Variants in CPNE1 observed in about 807,000 individuals in gnomAD.
The protein encoded by CPNE1 is copine-1.
A neutral mutation model predicts 63.2 loss-of-function variants in CPNE1; 58 were observed. The observed-to-expected ratio is 0.92, with a 90% CI of 0.74 to 1.14. CPNE1 has a LOEUF of 1.14. CPNE1 is among the 50% of genes most tolerant of loss of function. The probability of loss-of-function intolerance (pLI) is 0.00; values close to 1 mark genes in which losing one functional copy is unlikely to be tolerated. For missense variants in CPNE1, 672 were observed against 661.7 expected (o/e 1.02, Z -0.17); for synonymous variants, 237 against 249.0 (o/e 0.95, Z 0.45).
At chr20:35,633,506 T>G (rs2032296346) in intron 1 of CPNE1, among the ~76,000 whole-genome samples, 1 of 152,238 alleles carries the variant, frequency 6.6e-6, no homozygotes. Context: ...TTTCCACTGC[T>G]GCTGCCCAAT....
intron 1 of CPNE1, among the ~76,000 whole-genome samples, chr20:35,656,264 T>C (rs1187906859): frequency 6.6e-6 from 1 of 152,224 alleles, no homozygotes; most frequent in East Asian, 1.9e-4. Context: ...GAGTGTGAAT[T>C]ACTCAGTGGT....
At chr20:35,654,307 A>G (rs1290517487) in intron 1 of CPNE1, 3 of 1,614,230 alleles carry the variant, frequency 1.9e-6, no homozygotes, top group South Asian at 2.2e-5. Context: ...ATTTCGACCT[A>G]CATGATCTTT....
chr20:35,655,366 G>A (rs1273690120), intron 1 of CPNE1: 10 of 1,555,598 alleles, frequency 6.4e-6, no homozygotes, highest in South Asian at 2.4e-5. Flanking sequence ...AAAAGGCAAC[G>A]GCCAGGTCAG....
chr20:35,643,840 T>TG (rs1280119311), intron 1 of CPNE1, among the ~76,000 whole-genome samples: 1 of 152,076 alleles, frequency 6.6e-6, no homozygotes, highest in African/African-American at 2.4e-5. Flanking sequence ...ACACTATAGT[T>TG]GGAGTTGGCA....
At chr20:35,629,574 G>T (rs980410871) in intron 13 of CPNE1, among the ~76,000 whole-genome samples, 5 of 151,872 alleles carry the variant, frequency 3.3e-5, no homozygotes, top group Non-Finnish European at 7.4e-5. Flanking sequence ...TCCTCTCCTT[G>T]AGTACTCAAT....
At chr20:35,646,088 C>T (rs2033077900) in intron 1 of CPNE1, among the ~76,000 whole-genome samples, 1 of 150,494 alleles carries the variant, frequency 6.6e-6, no homozygotes, top group Admixed American at 6.6e-5. Flanking sequence ...ACTCCACCAT[C>T]ACCCCTACCC....
intron 13 of CPNE1, 86 bp from the exon 14 acceptor site, chr20:35,627,499 G>A: frequency 1.4e-6 from 2 of 1,390,218 alleles, no homozygotes; most frequent in Non-Finnish European, 2.0e-6. Flanking sequence ...CAGCCCAGGA[G>A]ATCTCGGAAC....
At chr20:35,664,508 C>T (rs2034428105) in intron 1 of CPNE1, 1 of 152,348 alleles carries the variant, frequency 6.6e-6, no homozygotes, top group Non-Finnish European at 1.5e-5. Flanking sequence ...CCTCTCAGAC[C>T]ACGGGGGAGT....
chr20:35,654,672 C>T, intron 1 of CPNE1: 3 of 1,613,366 alleles, frequency 1.9e-6, no homozygotes, highest in Non-Finnish European at 2.5e-6. Context: ...GCACAGGAGG[C>T]AATGTAGGTA....
At chr20:35,655,394 C>T in intron 1 of CPNE1, 1 of 1,447,162 alleles carries the variant, frequency 6.9e-7, no homozygotes, top group Non-Finnish European at 9.3e-7. Flanking sequence ...TTTATCACAC[C>T]AAGTTTTTAG....
intron 13 of CPNE1, 91 bp downstream of exon 13, chr20:35,630,348 C>A: frequency 1.1e-6 from 1 of 927,474 alleles, no homozygotes; most frequent in Non-Finnish European, 1.7e-6. Context: ...ACAATGAAGG[C>A]AGGTATCTGC....
chr20:35,653,597 C>T (rs138866871), intron 1 of CPNE1: 3 of 1,614,060 alleles, frequency 1.9e-6, no homozygotes, highest in African/African-American at 2.7e-5. Flanking sequence ...TCAACAAGAA[C>T]ATGTACAGCA....
At chr20:35,654,734 G>T in intron 1 of CPNE1, 8 of 1,613,206 alleles carry the variant, frequency 5.0e-6, no homozygotes, top group Non-Finnish European at 6.8e-6. Context: ...GGCAGAGATG[G>T]CATCGCTGGA....
chr20:35,654,805 G>A lies in CPNE1; in HGVS notation c.-1+9955C>T, dbSNP rs763674282. 5 of 1,614,090 alleles carry A rather than the reference G, an allele frequency of 3.1e-6. No homozygotes were observed. In the East Asian group the frequency reaches 1.1e-4, roughly 36 times the overall value. On this transcript the variant is annotated intron_variant, in intron 1 of 15. Transcript: ENST00000397443. Reference sequence around the variant, plus strand: ...TGGAGAGGCTGTGCTTGGAACAGTTGAGCTAAACGTTGGGCTCCCAAAGGA... The same window carrying A: ...TGGAGAGGCTGTGCTTGGAACAGTTAAGCTAAACGTTGGGCTCCCAAAGGA...
In CPNE1 at chr20:35,632,811, C is replaced by T. The variant is rs1243648075; in HGVS notation, c.113G>A (p.Gly38Glu). 6 of 872,518 alleles carry T rather than the reference C, an allele frequency of 6.9e-6. No individual in the cohort carries two copies. The highest frequency in any genetic ancestry group is 2.0e-6 in the Non-Finnish European group (1 of 501,422). The allele number at this position is 872,518 out of a possible 1,614,324, so 54.0% of individuals were successfully genotyped here. A position where few individuals can be genotyped will look rare whatever the true frequency, so the allele number is the denominator to read the frequency against. ...CCGCCTCACCTCAGCCCAGCTGCCC[C>T]CTCCCACATCCTGTAAAAGGACGCA... ...PLCVLLQDVGGGSWAELGRTE... is the reference protein window; with the variant it reads ...PLCVLLQDVGEGSWAELGRTE... Residue 38 changes from glycine (G) to glutamate (E), a missense_variant, in exon 2 of 16, where the codon GGG (glycine) becomes GAG (glutamate). Coordinates refer to ENST00000397443, the MANE Select transcript of CPNE1 (RefSeq NM_152925.3).
At chr20:35,657,143 C>T (rs2033946908) in intron 1 of CPNE1, among the ~76,000 whole-genome samples, 1 of 152,134 alleles carries the variant, frequency 6.6e-6, no homozygotes, top group Non-Finnish European at 1.5e-5. Context: ...ACAGAAAATG[C>T]TTTTTGTGAG....
rs2033623607 is a variant in CPNE1 at position 35,652,855 on chromosome 20, G to A, written c.-1+11905C>T. 3 of 1,611,148 alleles carry A rather than the reference G, an allele frequency of 1.9e-6. No individual in the cohort carries two copies. In the African/African-American group the frequency reaches 4.0e-5, roughly 22 times the overall value. On this transcript the variant is annotated intron_variant, in intron 1 of 15. Coordinates refer to ENST00000397443, the MANE Select transcript of CPNE1 (RefSeq NM_152925.3). ...GGGGCCGGGGCCAGGCCCAAAAGCT[G>A]GTGGCCCACCCAAATGCCCAGGGGC...
At chr20:35,654,607 G>A in intron 1 of CPNE1, 2 of 1,614,218 alleles carry the variant, frequency 1.2e-6, no homozygotes, top group Non-Finnish European at 1.7e-6. Flanking sequence ...CGACATGGGT[G>A]GCAGTGGGGT....
chr20:35,627,500 A>T, intron 13 of CPNE1, 87 bp from the exon 14 acceptor site: 1 of 1,378,660 alleles, frequency 7.3e-7, no homozygotes, highest in Non-Finnish European at 9.9e-7. Flanking sequence ...AGCCCAGGAG[A>T]TCTCGGAACC....
Sources: allele counts gnomAD v4.1 joint callset (sites outside exome capture counted in the v4.1 genomes callset), GRCh38; gene constraint gnomAD v4.1.1; transcripts MANE v1.5; gene names NCBI Gene and HGNC (gene_info 2026-07-23, HGNC 2026-07-21).